The following SLC71A2 variants were observed in gnomAD, a reference collection of about 807,000 sequenced individuals.
The protein encoded by SLC71A2 is solute carrier family 71 member 2.
At chr9:94,378,580 G>T in the SLC71A2 span, among the ~76,000 whole-genome samples, 1 of 152,058 alleles carries the variant, frequency 6.6e-6, no homozygotes, top group Non-Finnish European at 1.5e-5. Flanking sequence ...TCCACCCTGG[G>T]TGACAGAGTG....
At chr9:94,407,750 C>T in the SLC71A2 span, among the ~76,000 whole-genome samples, 1 of 152,062 alleles carries the variant, frequency 6.6e-6, no homozygotes, top group Non-Finnish European at 1.5e-5. Context: ...TGATTTTGCT[C>T]TCTGTGGTTT....
At chr9:94,427,888 C>T in the SLC71A2 span, among the ~76,000 whole-genome samples, 3 of 148,934 alleles carry the variant, frequency 2.0e-5, no homozygotes, top group African/African-American at 5.0e-5. Flanking sequence ...CTTTGGGAGG[C>T]CAAGGTGGAT....
chr9:94,396,961 G>A, the SLC71A2 span, among the ~76,000 whole-genome samples: 2 of 152,036 alleles, frequency 1.3e-5, no homozygotes. Flanking sequence ...GTAGAGATGG[G>A]GTTTCTCCAT....
the SLC71A2 span, among the ~76,000 whole-genome samples, chr9:94,440,355 A>G: frequency 1.3e-5 from 2 of 152,082 alleles, no homozygotes; most frequent in African/African-American, 4.8e-5. Context: ...GGGTTTCACC[A>G]TGTTAGCCAG....
chr9:94,385,449 G>A, the SLC71A2 span, among the ~76,000 whole-genome samples: 6 of 152,090 alleles, frequency 3.9e-5, no homozygotes, highest in Non-Finnish European at 5.9e-5. Context: ...TGTTTTTAGC[G>A]TCATATATAA....
the SLC71A2 span, among the ~76,000 whole-genome samples, chr9:94,384,265 T>C: frequency 1.3e-5 from 2 of 152,210 alleles, no homozygotes; most frequent in Non-Finnish European, 2.9e-5. Context: ...CCTTATCTTT[T>C]TGTGATTGAC....
the SLC71A2 span, among the ~76,000 whole-genome samples, chr9:94,388,321 A>T: frequency 0.49 from 73,771 of 151,738 alleles, 18,167 homozygotes; most frequent in East Asian, 0.6. Flanking sequence ...TTTGTTATAT[A>T]CTCCTTGGGT....
At chr9:94,445,173 C>A in the SLC71A2 span, 1 of 1,610,408 alleles carries the variant, frequency 6.2e-7, no homozygotes, top group Non-Finnish European at 8.5e-7. Flanking sequence ...AACAAGCAGA[C>A]CCTTTTGCGG....
the SLC71A2 span, among the ~76,000 whole-genome samples, chr9:94,434,230 A>G: frequency 1.3e-5 from 2 of 152,162 alleles, no homozygotes; most frequent in Admixed American, 6.5e-5. Context: ...ATTATGACCA[A>G]ATTTAGGTAA....
chr9:94,405,079 C>G, the SLC71A2 span, among the ~76,000 whole-genome samples: 1 of 152,146 alleles, frequency 6.6e-6, no homozygotes, highest in South Asian at 2.1e-4. Flanking sequence ...TTTTCCATCA[C>G]CATTTGCTGA....
the SLC71A2 span, among the ~76,000 whole-genome samples, chr9:94,393,823 G>A: frequency 0.072 from 4,727 of 65,812 alleles, 68 homozygotes; most frequent in East Asian, 0.13. Context: ...GGGTCTTTGT[G>A]ATATACTCAA....
the SLC71A2 span, among the ~76,000 whole-genome samples, chr9:94,452,344 C>G: frequency 3.9e-5 from 6 of 152,112 alleles, no homozygotes; most frequent in African/African-American, 1.4e-4. Flanking sequence ...CACCTGTAAT[C>G]CCAGCACTTT....
the SLC71A2 span, among the ~76,000 whole-genome samples, chr9:94,402,730 C>A: frequency 6.6e-6 from 1 of 152,196 alleles, no homozygotes; most frequent in Non-Finnish European, 1.5e-5. Flanking sequence ...CTTTTTCTTG[C>A]ATGTGGCATG....
the SLC71A2 span, among the ~76,000 whole-genome samples, chr9:94,397,784 T>TA: frequency 1.3e-5 from 2 of 152,224 alleles, no homozygotes; most frequent in African/African-American, 4.8e-5. Flanking sequence ...AGAGTGGAAT[T>TA]ACGGGTGTTT....
the SLC71A2 span, among the ~76,000 whole-genome samples, chr9:94,442,641 A>T: frequency 6.6e-6 from 1 of 152,028 alleles, no homozygotes; most frequent in East Asian, 1.9e-4. Flanking sequence ...TCATGAGGTC[A>T]AGAAATCGAG....
the SLC71A2 span, among the ~76,000 whole-genome samples, chr9:94,387,564 ACAT>A: frequency 6.6e-6 from 1 of 152,204 alleles, no homozygotes. Flanking sequence ...ATGGTGAGAA[ACAT>A]CAGTGCATGG....
At chr9:94,407,888 T>G in the SLC71A2 span, among the ~76,000 whole-genome samples, 1 of 152,194 alleles carries the variant, frequency 6.6e-6, no homozygotes, top group Non-Finnish European at 1.5e-5. Context: ...TGAAATATTT[T>G]GCCATCTTCA....
the SLC71A2 span, among the ~76,000 whole-genome samples, chr9:94,434,569 C>A: frequency 6.6e-6 from 1 of 152,112 alleles, no homozygotes; most frequent in Non-Finnish European, 1.5e-5. Context: ...CCCGCCTCAG[C>A]CTCCCAAAGT....
chr9:94,440,719 T>C, the SLC71A2 span, among the ~76,000 whole-genome samples: 2 of 152,288 alleles, frequency 1.3e-5, no homozygotes, highest in South Asian at 4.1e-4. Context: ...AATATAACTT[T>C]TACCTAATCC....
Sources: allele counts gnomAD v4.1 joint callset (sites outside exome capture counted in the v4.1 genomes callset), GRCh38; gene constraint gnomAD v4.1.1; transcripts MANE v1.5; gene names NCBI Gene and HGNC (gene_info 2026-07-23, HGNC 2026-07-21).